DNAH11: variants seen among roughly 807,000 people sequenced by gnomAD.
The protein encoded by DNAH11 is axonemal beta dynein heavy chain 11.
In DNAH11, 442 loss-of-function variants were observed where a neutral mutation model predicts 526.0. The observed-to-expected ratio is 0.84, with a 90% CI of 0.78 to 0.91. DNAH11 has a LOEUF of 0.91. DNAH11 is among the 40% of genes least tolerant of loss of function. The pLI, the probability that DNAH11 is intolerant of heterozygous loss-of-function variation, is 0.00. For synonymous variants in DNAH11, 2,461 were observed against 1,935.9 expected, an observed-to-expected ratio of 1.27 and a Z score of -7.12; for missense variants, 6,989 against 5,448.7, an observed-to-expected ratio of 1.28 and a Z score of -8.90.
At chr7:21,627,284 C>A (rs117739669) in intron 25 of DNAH11, among the ~76,000 whole-genome samples, 1,736 of 152,222 alleles carry the variant, frequency 0.011, 71 homozygotes, top group South Asian at 0.072. Context: ...TGGCATGATC[C>A]TGTTTGCCCA....
At chr7:21,618,599 A>G (rs1302685679) in intron 23 of DNAH11, 1 of 160,392 alleles carries the variant, frequency 6.2e-6, no homozygotes, top group African/African-American at 2.4e-5. Context: ...CACATGGTAA[A>G]TATGAATAAT....
rs941566924 is a variant in DNAH11, at chr7:21,710,971, C to G, written c.6834+268C>G. 2.6e-5 allele frequency among the ~76,000 whole-genome samples: 4 copies of G among 152,190 alleles called. No homozygotes were observed. The East Asian group carries it at 7.7e-4, about 29-fold the overall frequency. Reference sequence around the variant, plus strand: ...TAAGAATTTAGTTTACAGATCTTACCACTTTCTAAGAGGTAGCCGTAAATT... The same window carrying G: ...TAAGAATTTAGTTTACAGATCTTACGACTTTCTAAGAGGTAGCCGTAAATT... On this transcript the variant is annotated intron_variant, in intron 41 of 81. Coordinates refer to ENST00000409508, the MANE Select transcript of DNAH11 (RefSeq NM_001277115.2).
At chr7:21,735,881 C>A in intron 46 of DNAH11, 37 bp downstream of exon 46, 3 of 1,541,166 alleles carry the variant, frequency 1.9e-6, no homozygotes, top group South Asian at 2.6e-5. Context: ...AACAAGGGAT[C>A]AAAAATCATC....
At chr7:21,661,099 G>A (rs1047532327) in intron 30 of DNAH11, among the ~76,000 whole-genome samples, 5 of 151,938 alleles carry the variant, frequency 3.3e-5, no homozygotes, top group Non-Finnish European at 5.9e-5. Flanking sequence ...AGATCTTAAC[G>A]TCTCTCCTCA....
intron 54 of DNAH11, among the ~76,000 whole-genome samples, chr7:21,752,618 G>A (rs1423613125): frequency 2.0e-5 from 3 of 152,098 alleles, no homozygotes; most frequent in Non-Finnish European, 2.9e-5. Flanking sequence ...GTTAATCAGT[G>A]TTTTCCTTAA....
At chr7:21,590,318 T>C (rs1247346682) in intron 12 of DNAH11, among the ~76,000 whole-genome samples, 1 of 152,210 alleles carries the variant, frequency 6.6e-6, no homozygotes, top group Non-Finnish European at 1.5e-5. Flanking sequence ...AAGCTTTCTT[T>C]TCTATTTACC....
chr7:21,646,806 A>G (rs1400176329), intron 28 of DNAH11, among the ~76,000 whole-genome samples: 9 of 152,200 alleles, frequency 5.9e-5, no homozygotes, highest in Non-Finnish European at 1.3e-4. Flanking sequence ...CTTAAATAGC[A>G]ATATCCAAAA....
chr7:21,737,853 G>C lies in DNAH11; in HGVS notation c.7646-848G>C, dbSNP rs187368853. ...GAGGCAGATTTAGTGTTGGCTGAAC[G>C]TTGGATGGTAATGGCTAGTAAGAAT... On this transcript the variant is annotated intron_variant, in intron 46 of 81. Coordinates refer to ENST00000409508, the MANE Select transcript of DNAH11 (RefSeq NM_001277115.2). 1.0e-3 allele frequency among the ~76,000 whole-genome samples: 157 copies of C among 152,314 alleles called. 1 individual carries two copies. Among genetic ancestry groups the C allele is most frequent in the Middle Eastern group, 6.8e-3 (2 of 294 alleles).
chr7:21,720,463 T>C (rs1003975404), intron 43 of DNAH11, among the ~76,000 whole-genome samples: 2 of 152,228 alleles, frequency 1.3e-5, no homozygotes, highest in Middle Eastern at 3.4e-3. Flanking sequence ...TTTTGGTTTG[T>C]ATACTGATTA....
At chr7:21,688,610 G>T (rs1056771550) in intron 34 of DNAH11, among the ~76,000 whole-genome samples, 2 of 152,112 alleles carry the variant, frequency 1.3e-5, no homozygotes, top group African/African-American at 4.8e-5. Context: ...GGTCTCCCAG[G>T]CTTCTCATAT....
chr7:21,620,168 TG>T, intron 25 of DNAH11, 90 bp downstream of exon 25: 1 of 1,119,398 alleles, frequency 8.9e-7, no homozygotes, highest in East Asian at 2.9e-5. Flanking sequence ...GATGTTTTGA[TG>T]TATGTTTACA....
chr7:21,744,512 C>G lies in DNAH11; in HGVS notation c.8229C>G (p.Ala2743=). Residue 2743 remains alanine (A), a synonymous_variant, in exon 50 of 82, where the codon GCC becomes GCG. Transcript: ENST00000409508. Reference sequence around the variant, plus strand: ...TACATCTGTGGCTTCATGAATCTGCCCGTGTTTATGGAGACAAACTGATAG... The same window carrying G: ...TACATCTGTGGCTTCATGAATCTGCGCGTGTTTATGGAGACAAACTGATAG... ...DLIHLWLHES[A]RVYGDKLIDK... 1 of 1,613,770 alleles carries G rather than the reference C, an allele frequency of 6.2e-7. No individual in the cohort carries two copies. The highest frequency in any genetic ancestry group is 8.5e-7 in the Non-Finnish European group (1 of 1,179,788).
At chr7:21,640,819 T>C (rs766170926) in intron 28 of DNAH11, among the ~76,000 whole-genome samples, 1 of 152,186 alleles carries the variant, frequency 6.6e-6, no homozygotes, top group Non-Finnish European at 1.5e-5. Flanking sequence ...GTTTAATAAC[T>C]TGGTGTTGGG....
chr7:21,784,546 G>C lies in DNAH11; in HGVS notation c.9597+6G>C, dbSNP rs757303678. 2 of 1,582,328 alleles carry C rather than the reference G, an allele frequency of 1.3e-6. No individual in the cohort carries two copies. The highest frequency in any genetic ancestry group is 3.6e-5 in the Admixed American group (2 of 55,510). ...CACTCAATACACTCAACAGGGTAAA[G>C]ATAATTTATTGGTCCCTGAGTTTCC... On this transcript the variant is annotated splice_donor_region_variant and intron_variant, in intron 58 of 81. Transcript: ENST00000409508.
At chr7:21,826,402 A>ACC in intron 65 of DNAH11, among the ~76,000 whole-genome samples, 1 of 152,332 alleles carries the variant, frequency 6.6e-6, no homozygotes, top group South Asian at 2.1e-4. Context: ...TCAATGCAGT[A>ACC]AAAGTTGGGA....
rs1483176675 is a variant in DNAH11, at chr7:21,880,714, A to G, written c.12208A>G (p.Ile4070Val). Residue 4070 changes from isoleucine to valine, a missense_variant, in exon 75 of 82, where the codon ATA (isoleucine) becomes GTA (valine). Physicochemically the swap from Ile to Val is conservative, Grantham distance 29. Coordinates refer to ENST00000409508, the MANE Select transcript of DNAH11 (RefSeq NM_001277115.2). ...TCTTTTTTCCCAGGATACACTTGAAATATGCTCCAAGGAGCAGGAGTTTAA... is the reference window on the plus strand; with the variant it reads ...TCTTTTTTCCCAGGATACACTTGAAGTATGCTCCAAGGAGCAGGAGTTTAA... ...LYNFDQDTLE[I>V]CSKEQEFKSI... 1 of 1,613,890 alleles carries G rather than the reference A, an allele frequency of 6.2e-7. No individual in the cohort carries two copies. Among genetic ancestry groups the G allele is most frequent in the East Asian group, 2.2e-5 (1 of 44,880 alleles).
chr7:21,784,497 C>G lies in DNAH11; in HGVS notation c.9554C>G (p.Pro3185Arg). Residue 3185 changes from proline to arginine, a missense_variant, in exon 58 of 82, where the codon CCT becomes CGT. Coordinates refer to ENST00000409508, the MANE Select transcript of DNAH11 (RefSeq NM_001277115.2). ...ECEADLLKAEPALVAATAALN... is the reference protein window; with the variant it reads ...ECEADLLKAERALVAATAALN... The stretch of plus-strand genomic sequence containing the variant: ...GAAGCTGACTTACTCAAGGCTGAGC[C>G]TGCACTGGTGGCTGCTACAGCTGCA... The G allele has an allele frequency of 6.2e-7, 1 of 1,613,414 alleles. No homozygotes were observed. The highest frequency in any genetic ancestry group is 8.5e-7 in the Non-Finnish European group (1 of 1,179,638).
intron 58 of DNAH11, among the ~76,000 whole-genome samples, chr7:21,786,301 C>CGTT (rs201711952): frequency 8.6e-6 from 1 of 115,650 alleles, no homozygotes; most frequent in Non-Finnish European, 1.7e-5. Context: ...AACATATACA[C>CGTT]ATGTGTGTGT....
chr7:21,626,010 G>C (rs1309487395), intron 25 of DNAH11, among the ~76,000 whole-genome samples: 1 of 152,082 alleles, frequency 6.6e-6, no homozygotes, highest in African/African-American at 2.4e-5. Context: ...AAAATGTAAA[G>C]ATCAAATCAG....
Sources: allele counts gnomAD v4.1 joint callset (sites outside exome capture counted in the v4.1 genomes callset), GRCh38; gene constraint gnomAD v4.1.1; transcripts MANE v1.5; gene names NCBI Gene and HGNC (gene_info 2026-07-23, HGNC 2026-07-21).